PRDM1: variants seen among roughly 807,000 people sequenced by gnomAD.
The protein encoded by PRDM1 is PR/SET domain 1.
Under a neutral mutation model 62.8 loss-of-function variants are expected in PRDM1, and 13 were observed. The ratio of observed to expected loss-of-function variants is 0.21; its 90% CI spans 0.13 to 0.33. The LOEUF (loss-of-function observed/expected upper bound fraction) is 0.33, where lower values mean the gene tolerates loss of function less well. Among genes scored for constraint, PRDM1 ranks in the 10% least tolerant of loss-of-function variants. The pLI is 1.00. For synonymous variants in PRDM1, 396 were observed against 417.6 expected, an observed-to-expected ratio of 0.95 and a Z score of 0.63; for missense variants, 895 against 1,058.8, an observed-to-expected ratio of 0.85 and a Z score of 2.15.
In PRDM1 at chr6:105,994,555, G is replaced by A. The variant is rs1772322527; in HGVS notation, c.-67+916G>A. Among the ~76,000 whole-genome samples the A allele has an allele frequency of 6.6e-6, 1 of 152,108 alleles. No individual in the cohort carries two copies. The highest frequency in any genetic ancestry group is 2.4e-5 in the African/African-American group (1 of 41,418). ...ATGGAGGTGGGGACGAGAAGTTTCC[G>A]AATGCTGAGTTCATTTGGACGAGGT... On this transcript the variant is annotated intron_variant, in intron 1 of 6. Coordinates refer to the PRDM1 transcript ENST00000652320. The surrounding 1 kb of genome is among the most constrained non-coding windows in gnomAD (Gnocchi z 4.1).
chr6:106,051,810 T>C (rs1333163482), intron 1 of PRDM1, among the ~76,000 whole-genome samples: 3 of 152,216 alleles, frequency 2.0e-5, no homozygotes, highest in African/African-American at 7.2e-5. Flanking sequence ...ATTTGGGGAA[T>C]GGTGTTGCCT....
chr6:106,068,809 C>T (rs1236908202), intron 1 of PRDM1, among the ~76,000 whole-genome samples: 1 of 152,210 alleles, frequency 6.6e-6, no homozygotes, highest in Non-Finnish European at 1.5e-5. Context: ...AATTATGTTA[C>T]CCTCCCTAAT....
In PRDM1 at chr6:106,095,103, A is replaced by G. The variant is rs1461992662; in HGVS notation, c.292-512A>G. On this transcript the variant is annotated intron_variant, in intron 2 of 6. Transcript: ENST00000369096. ...ATCTGGAATGAAAAAAACATAATGC[A>G]TTTGGTTTCTGGTTCCTTAGGCTGT... Among the ~76,000 whole-genome samples, 3 of 152,056 alleles carry G rather than the reference A, an allele frequency of 2.0e-5. No individual in the cohort carries two copies. The East Asian group carries it at 5.8e-4, about 29-fold the overall frequency.
chr6:106,034,959 G>C (rs530968459), intron 1 of PRDM1, among the ~76,000 whole-genome samples: 1 of 152,154 alleles, frequency 6.6e-6, no homozygotes, highest in African/African-American at 2.4e-5. Context: ...TTTTAAGTCT[G>C]TTTCATAGGT....
chr6:106,082,866 C>T (rs1432497306), upstream of PRDM1, among the ~76,000 whole-genome samples: 5 of 152,142 alleles, frequency 3.3e-5, no homozygotes, highest in Non-Finnish European at 5.9e-5. Context: ...TGATTCAACT[C>T]ATCATCGAAA....
chr6:106,006,530 T>C (rs536949241), intron 1 of PRDM1, among the ~76,000 whole-genome samples: 31 of 152,054 alleles, frequency 2.0e-4, no homozygotes, highest in African/African-American at 7.2e-4. Context: ...ATGTAGAAGA[T>C]ACTTTCTCTT....
chr6:106,095,997 A>G, intron 3 of PRDM1: 2 of 361,410 alleles, frequency 5.5e-6, no homozygotes, highest in African/African-American at 2.0e-5. Flanking sequence ...TAATGAAAGG[A>G]AACAGTTTGT....
chr6:106,038,815 T>C (rs935941373), intron 1 of PRDM1, among the ~76,000 whole-genome samples: 2 of 152,180 alleles, frequency 1.3e-5, no homozygotes, highest in African/African-American at 4.8e-5. Context: ...TTAACCATAA[T>C]TTGACATCCA....
rs546357145 is a variant in PRDM1 at position 105,994,853 on chromosome 6, T to C, written c.-67+1214T>C. Among the ~76,000 whole-genome samples the C allele has an allele frequency of 1.3e-3, 201 of 152,314 alleles. 4 individuals are homozygous for C. Among genetic ancestry groups the C allele is most frequent in the African/African-American group, 4.7e-3 (196 of 41,566 alleles). On this transcript the variant is annotated intron_variant, in intron 1 of 6. Coordinates refer to the PRDM1 transcript ENST00000652320. The surrounding 1 kb of genome is among the most constrained non-coding windows in gnomAD (Gnocchi z 4.1). ...CCCTCCAGTCCCGCCGCGTCGGGAATGCGAGCCCGGCCACGCGGTCCGACC... is the reference window on the plus strand; with the variant it reads ...CCCTCCAGTCCCGCCGCGTCGGGAACGCGAGCCCGGCCACGCGGTCCGACC...
intron 4 of PRDM1, chr6:106,100,399 G>T (rs1774234733): frequency 2.0e-5 from 3 of 152,208 alleles, no homozygotes; most frequent in Admixed American, 2.0e-4. Context: ...TGAAGTTTTT[G>T]TAACTTTTGG....
At chr6:106,024,854 A>G (rs1194387327) in intron 1 of PRDM1, among the ~76,000 whole-genome samples, 2 of 152,196 alleles carry the variant, frequency 1.3e-5, no homozygotes, top group South Asian at 2.1e-4. Context: ...AAATTAAAAT[A>G]TGTGTCAGGT....
intron 1 of PRDM1, among the ~76,000 whole-genome samples, chr6:106,010,231 G>A (rs766471144): frequency 7.2e-5 from 11 of 152,064 alleles, no homozygotes; most frequent in Non-Finnish European, 1.3e-4. Context: ...TTCGACAGGC[G>A]TTTCTAATCC....
At chr6:105,998,621 A>G (rs1406177890) in intron 1 of PRDM1, among the ~76,000 whole-genome samples, 1 of 152,116 alleles carries the variant, frequency 6.6e-6, no homozygotes, top group Non-Finnish European at 1.5e-5. Flanking sequence ...TAGGATTACC[A>G]GTTTCAAAAA....
chr6:106,011,750 A>G (rs1772552272), intron 1 of PRDM1, among the ~76,000 whole-genome samples: 1 of 151,980 alleles, frequency 6.6e-6, no homozygotes, highest in Non-Finnish European at 1.5e-5. Flanking sequence ...TTCAATTTAA[A>G]TGAAGACTGT....
intron 1 of PRDM1, among the ~76,000 whole-genome samples, chr6:106,039,582 A>G (rs1214367609): frequency 2.6e-5 from 4 of 152,180 alleles, no homozygotes; most frequent in Admixed American, 6.5e-5. Context: ...AAACAACCAC[A>G]GCTATTTTTT....
At chr6:106,098,357 T>G in intron 3 of PRDM1, 2 of 985,438 alleles carry the variant, frequency 2.0e-6, no homozygotes, top group Non-Finnish European at 2.4e-6. Flanking sequence ...TTAATTTTTC[T>G]TCTTCCTCTG....
chr6:106,105,697 A>G lies in PRDM1; in HGVS notation c.1537A>G (p.Thr513Ala), dbSNP rs1381177881. ...CATGAAGGACAAGGCCTGTAGCCCC[A>G]CAAGCGGGTCTCCCACGGCGGGAAC... The part of the protein sequence containing the change: ...ASMKDKACSP[T>A]SGSPTAGTAA... The change falls in exon 5 of 7, where the codon ACA (threonine) becomes GCA (alanine). Residue 513 changes from threonine (T) to alanine (A), a missense_variant. Thr to Ala is a moderately conservative substitution (Grantham distance 58). This residue lies in a region of PRDM1 where 444 missense variants were observed against 422.7 expected (regional missense o/e 1.05). Coordinates refer to ENST00000369096, the MANE Select transcript of PRDM1 (RefSeq NM_001198.4). 1.9e-6 allele frequency: 3 copies of G among 1,613,822 alleles called. No individual in the cohort carries two copies. Among genetic ancestry groups the G allele is most frequent in the Non-Finnish European group, 2.5e-6 (3 of 1,179,880 alleles).
intron 1 of PRDM1, among the ~76,000 whole-genome samples, chr6:106,018,837 AT>A (rs1445265374): frequency 6.6e-6 from 1 of 151,926 alleles, no homozygotes; most frequent in Non-Finnish European, 1.5e-5. Flanking sequence ...AAAATGACCC[AT>A]TTTTTCCACC....
rs571148968 is a variant in PRDM1 at position 106,009,889 on chromosome 6, TGTGTTTTTA to T, written c.-67+16253_-67+16261del. Among the ~76,000 whole-genome samples the T allele has an allele frequency of 1.8e-3, 271 of 152,320 alleles. 2 individuals are homozygous for T. The highest frequency in any genetic ancestry group is 6.3e-3 in the African/African-American group (263 of 41,578). ...TGCGCCACCACGCCCGGCTAGTTTT[TGTGTTTTTA>T]GTAGAGACAGGGTTTCACCATGTTG... On this transcript the variant is annotated intron_variant, in intron 1 of 6. Transcript: ENST00000652320.
Sources: gnomAD v4.1 joint callset for allele counts (sites outside exome capture counted in the v4.1 genomes callset) on GRCh38, gnomAD v4.1.1 for gene constraint, gnomAD v4.1.1 regional missense constraint, Gnocchi (gnomAD v3.1) non-coding constraint, MANE v1.5 for transcripts, NCBI Gene and HGNC (gene_info 2026-07-23, HGNC 2026-07-21) for gene names.